Variants in SBNO1 observed in about 807,000 individuals in gnomAD.
The protein encoded by SBNO1 is strawberry notch homolog 1, also known as protein strawberry notch homolog 1.
In SBNO1, 23 loss-of-function variants were observed where a neutral mutation model predicts 173.6. The observed-to-expected ratio is 0.13, with a 90% confidence interval of 0.10 to 0.19. The LOEUF is 0.19. Among genes scored for constraint, SBNO1 ranks in the 10% least tolerant of loss-of-function variants. The pLI is 1.00. For synonymous variants in SBNO1, 632 were observed against 571.5 expected, an observed-to-expected ratio of 1.11 and a Z score of -1.51; for missense variants, 1,238 against 1,671.2, an observed-to-expected ratio of 0.74 and a Z score of 4.52.
chr12:123,363,435 C>T (rs550406997), intron 1 of SBNO1, among the ~76,000 whole-genome samples: 7 of 152,300 alleles, frequency 4.6e-5, no homozygotes, highest in South Asian at 4.1e-4. Context: ...TGCTAGGGCA[C>T]TCCGGATGAC....
intron 31 of SBNO1, 121 bp downstream of exon 31, chr12:123,297,857 C>T (rs1311512184): frequency 7.2e-6 from 6 of 837,170 alleles, no homozygotes; most frequent in Non-Finnish European, 9.7e-6. Context: ...AAACGGGTCC[C>T]ATACCCACTA....
intron 30 of SBNO1, among the ~76,000 whole-genome samples, chr12:123,301,282 G>T (rs978716462): frequency 1.3e-5 from 2 of 152,138 alleles, no homozygotes; most frequent in African/African-American, 4.8e-5. Context: ...GGTACTACCA[G>T]CAAGCCAATG....
At chr12:123,309,437 T>C (rs1566025693) in intron 27 of SBNO1, 35 bp from the exon 28 acceptor site, 11 of 1,602,076 alleles carry the variant, frequency 6.9e-6, no homozygotes, top group Non-Finnish European at 9.4e-6. Flanking sequence ...AACTCATTTC[T>C]GTAAATGCAT....
intron 6 of SBNO1, among the ~76,000 whole-genome samples, chr12:123,335,145 T>C (rs1033986840): frequency 1.3e-5 from 2 of 152,110 alleles, no homozygotes; most frequent in Non-Finnish European, 2.9e-5. Flanking sequence ...GAGCTAAGAT[T>C]GCGCCACTGC....
chr12:123,350,326 G>A lies in SBNO1; in HGVS notation c.116C>T (p.Thr39Ile). The change falls in exon 2 of 32, where the codon ACC becomes ATC. Residue 39 changes from threonine (T) to isoleucine (I), a missense_variant. By Grantham distance (89) the Thr-to-Ile change is moderately conservative. Transcript: ENST00000602398. ...GDAGLATPMP[T>I]PSVQQSVPLS... ...AACTCTTACCTGCTGAACTGACGGG[G>A]TAGGCATTGGAGTTGCAAGCCCTGC... The A allele has an allele frequency of 6.2e-7, 1 of 1,614,080 alleles. No homozygotes were observed. Among genetic ancestry groups the A allele is most frequent in the African/African-American group, 1.3e-5 (1 of 75,028 alleles).
chr12:123,353,799 G>T (rs1347569459), intron 1 of SBNO1, among the ~76,000 whole-genome samples: 1 of 152,158 alleles, frequency 6.6e-6, no homozygotes, highest in Non-Finnish European at 1.5e-5. Flanking sequence ...TCTTGACCCA[G>T]ATTAATAGAA....
intron 21 of SBNO1, among the ~76,000 whole-genome samples, chr12:123,316,162 G>GTA (rs1242753525): frequency 6.6e-6 from 1 of 151,954 alleles, no homozygotes; most frequent in Non-Finnish European, 1.5e-5. Context: ...ATACTATAAA[G>GTA]TATATATATA....
chr12:123,304,773 A>T (rs1270208420), intron 28 of SBNO1, 54 bp from the exon 29 acceptor site: 1 of 1,161,896 alleles, frequency 8.6e-7, no homozygotes, highest in East Asian at 2.4e-5. Context: ...ACTTTAAGAC[A>T]TGTTTCTGTA....
intron 1 of SBNO1, among the ~76,000 whole-genome samples, chr12:123,353,884 A>G (rs1036432046): frequency 6.6e-6 from 1 of 152,214 alleles, no homozygotes; most frequent in African/African-American, 2.4e-5. Context: ...AAACAGAAGT[A>G]CATTGTTTTA....
intron 3 of SBNO1, among the ~76,000 whole-genome samples, chr12:123,346,035 G>T (rs183535530): frequency 6.6e-6 from 1 of 152,148 alleles, no homozygotes; most frequent in Non-Finnish European, 1.5e-5. Context: ...CAACTTTGAC[G>T]AAAAGAAGGT....
chr12:123,347,518 G>A lies in SBNO1; in HGVS notation c.237+511C>T, dbSNP rs533351330. The stretch of plus-strand genomic sequence containing the variant: ...TGGGATTACAGGCGTGAGCCACTGT[G>A]CCTGGCCTCTTTTTTTATGTTTTTT... On this transcript the variant is annotated intron_variant, in intron 3 of 31. Coordinates refer to ENST00000602398, the MANE Select transcript of SBNO1 (RefSeq NM_001167856.3). 5.3e-5 allele frequency among the ~76,000 whole-genome samples: 8 copies of A among 150,616 alleles called. No homozygotes were observed. The South Asian group carries it at 1.1e-3, about 20-fold the overall frequency.
intron 15 of SBNO1, among the ~76,000 whole-genome samples, chr12:123,324,725 T>C (rs1870410261): frequency 6.6e-6 from 1 of 152,210 alleles, no homozygotes; most frequent in African/African-American, 2.4e-5. Context: ...TTAGGCAAAC[T>C]AAAAACAATG....
At chr12:123,352,758 G>C (rs1164572139) in intron 1 of SBNO1, among the ~76,000 whole-genome samples, 1 of 152,192 alleles carries the variant, frequency 6.6e-6, no homozygotes, top group Non-Finnish European at 1.5e-5. Context: ...ATGAAAGAGG[G>C]CAGACCACTG....
intron 17 of SBNO1, among the ~76,000 whole-genome samples, chr12:123,321,249 ATAT>A (rs1343527550): frequency 2.6e-5 from 4 of 152,114 alleles, no homozygotes; most frequent in Non-Finnish European, 5.9e-5. Context: ...GAAATTTTTT[ATAT>A]TGTTAACTGA....
intron 14 of SBNO1, 36 bp downstream of exon 14, chr12:123,326,116 C>CA: frequency 3.0e-6 from 4 of 1,355,428 alleles, no homozygotes; most frequent in South Asian, 1.4e-5. Flanking sequence ...AACAACATAA[C>CA]CCCCAAACAA....
chr12:123,360,336 T>C (rs1016425114), intron 1 of SBNO1, among the ~76,000 whole-genome samples: 2 of 152,178 alleles, frequency 1.3e-5, no homozygotes, highest in South Asian at 2.1e-4. Context: ...GGTTACTCAG[T>C]AGGACTAGCC....
rs144530168 is a variant in SBNO1, at chr12:123,344,302, T to C, written c.550+956A>G. 1.3e-4 allele frequency among the ~76,000 whole-genome samples: 20 copies of C among 152,276 alleles called. No homozygotes were observed. The South Asian group carries it at 1.7e-3, about 13-fold the overall frequency. On this transcript the variant is annotated intron_variant, in intron 4 of 31. Coordinates refer to ENST00000602398, the MANE Select transcript of SBNO1 (RefSeq NM_001167856.3). Reference sequence around the variant, plus strand: ...GGTATCAGTCCTAAGACAGCTAAAATGATTTCCCAACTTGCATCTCACTGC... The same window carrying C: ...GGTATCAGTCCTAAGACAGCTAAAACGATTTCCCAACTTGCATCTCACTGC...
At chr12:123,337,239 G>A (rs191175577) in intron 5 of SBNO1, among the ~76,000 whole-genome samples, 2 of 152,272 alleles carry the variant, frequency 1.3e-5, no homozygotes, top group Non-Finnish European at 2.9e-5. Context: ...CAAGTGAATG[G>A]TCACCACGGT....
intron 2 of SBNO1, among the ~76,000 whole-genome samples, chr12:123,349,914 G>C (rs1331975214): frequency 7.1e-6 from 1 of 141,310 alleles, no homozygotes; most frequent in South Asian, 2.2e-4. Context: ...CTCCGTCTCA[G>C]AAAAAAAAAA....
Sources: allele counts gnomAD v4.1 joint callset (sites outside exome capture counted in the v4.1 genomes callset), GRCh38; gene constraint gnomAD v4.1.1; transcripts MANE v1.5; gene names NCBI Gene and HGNC (gene_info 2026-07-23, HGNC 2026-07-21).